The following ABCB4 variants were observed in gnomAD, a reference collection of about 807,000 sequenced individuals.
ABCB4 encodes ATP binding cassette subfamily B member 4.
A neutral mutation model predicts 145.7 loss-of-function variants in ABCB4; 76 were observed. That is an observed-to-expected ratio of 0.52 (90% CI 0.43 to 0.63). The LOEUF (loss-of-function observed/expected upper bound fraction) is 0.63. Ranked by LOEUF, ABCB4 falls within the 30% of genes least tolerant of loss-of-function variation. The pLI, the probability that ABCB4 is intolerant of heterozygous loss-of-function variation, is 0.00. For missense variants in ABCB4, 1,234 were observed against 1,553.1 expected (o/e 0.79, Z 3.45); for synonymous variants, 517 against 566.8 (o/e 0.91, Z 1.25).
At chr7:87,388,151 C>A in the ABCB4 span, among the ~76,000 whole-genome samples, 1 of 152,136 alleles carries the variant, frequency 6.6e-6, no homozygotes, top group Non-Finnish European at 1.5e-5. Flanking sequence ...AAGAGCTGCT[C>A]TTCTCTCCAG....
Position 87,402,935 on chromosome 7 carries a change from G to T in ABCB4, c.3633+200C>A, listed in dbSNP as rs45437295. 0.13 allele frequency among the ~76,000 whole-genome samples: 20,095 copies of T among 152,116 alleles called. 1,876 individuals carry two copies. Among genetic ancestry groups the T allele is most frequent in the African/African-American group, 0.27 (11,071 of 41,456 alleles). On this transcript the variant is annotated intron_variant, in intron 27 of 27. Coordinates refer to ENST00000649586, the MANE Select transcript of ABCB4 (RefSeq NM_000443.4). ...AATCGCTTGAACCCTGGAGGCAGAG[G>T]TTGCAGTGAGCTGGATTGCGCCACT...
intron 27 of ABCB4, among the ~76,000 whole-genome samples, chr7:87,402,887 T>G (rs1181921371): frequency 6.6e-6 from 1 of 152,116 alleles, no homozygotes; most frequent in Non-Finnish European, 1.5e-5. Context: ...TAGTCCCAGC[T>G]ACTCAGGAGG....
At chr7:87,422,756 C>A (rs1169129638) in intron 17 of ABCB4, among the ~76,000 whole-genome samples, 2 of 152,138 alleles carry the variant, frequency 1.3e-5, no homozygotes, top group African/African-American at 2.4e-5. Context: ...TGAAACAGCA[C>A]CCCCAGCTAA....
intron 18 of ABCB4, among the ~76,000 whole-genome samples, chr7:87,420,412 G>T (rs1809334155): frequency 6.6e-6 from 1 of 152,170 alleles, no homozygotes; most frequent in South Asian, 2.1e-4. Flanking sequence ...GATCCAATCA[G>T]ATCACACTTC....
chr7:87,416,810 A>AGT (rs1451623629), intron 21 of ABCB4, among the ~76,000 whole-genome samples: 1 of 152,276 alleles, frequency 6.6e-6, no homozygotes, highest in East Asian at 1.9e-4. Flanking sequence ...ACTGGCACGT[A>AGT]GTAAGGCTCA....
At chr7:87,436,420 A>G (rs963527369) in intron 14 of ABCB4, among the ~76,000 whole-genome samples, 2 of 152,214 alleles carry the variant, frequency 1.3e-5, no homozygotes, top group African/African-American at 2.4e-5. Flanking sequence ...AATAAAATAT[A>G]TAGGCATAAC....
At chr7:87,408,637 A>G (rs1433211242) in intron 24 of ABCB4, among the ~76,000 whole-genome samples, 1 of 152,218 alleles carries the variant, frequency 6.6e-6, no homozygotes, top group Non-Finnish European at 1.5e-5. Flanking sequence ...CAGTTTCTTA[A>G]GTTCACTTTC....
the ABCB4 span, among the ~76,000 whole-genome samples, chr7:87,390,896 G>A: frequency 3.3e-4 from 50 of 152,258 alleles, no homozygotes; most frequent in African/African-American, 1.2e-3. Context: ...CATATTTTGT[G>A]GGTCAGTAAT....
intron 4 of ABCB4, 107 bp from the exon 5 acceptor site, chr7:87,454,699 T>G (rs1432968106): frequency 1.2e-6 from 1 of 836,162 alleles, no homozygotes; most frequent in East Asian, 2.7e-5. Context: ...AGCTAGAAGA[T>G]GCTATTGTTA....
At position 87,440,339 on chromosome 7, in the gene ABCB4, C is replaced by T. The variant is rs1215781056; in HGVS notation, c.1420G>A (p.Val474Met). 6.2e-7 allele frequency: 1 copy of T among 1,614,146 alleles called. No homozygotes were observed. Among genetic ancestry groups the T allele is most frequent in the Non-Finnish European group, 8.5e-7 (1 of 1,180,016 alleles). ...AACAGCACCGGCTCCTGACTCACCA[C>T]ACCAATGATTTCCCTCAGATAGTTT... ...NVNYLREIIG[V>M]VSQEPVLFST... The change falls in exon 13 of 28, where the codon GTG (valine) becomes ATG (methionine). Residue 474 changes from valine to methionine, a missense_variant. Around this residue, in one of 7 missense-constraint regions of ABCB4, gnomAD observed 467 missense variants for 632.8 expected, o/e 0.74. Transcript: ENST00000649586.
chr7:87,462,227 T>C (rs4148814), intron 4 of ABCB4, among the ~76,000 whole-genome samples: 28,335 of 152,096 alleles, frequency 0.19, 3,002 homozygotes, highest in African/African-American at 0.29. Flanking sequence ...AAGGGACGTA[T>C]TGAATCCATT....
intron 26 of ABCB4, among the ~76,000 whole-genome samples, chr7:87,403,744 G>A (rs939940056): frequency 6.6e-6 from 1 of 152,018 alleles, no homozygotes; most frequent in African/African-American, 2.4e-5. Flanking sequence ...ATAATCTTAT[G>A]GGAACCACTG....
rs1275602475 is a variant in ABCB4 at position 87,470,265 on chromosome 7, C to A, written c.135+2356G>T. ...ATGTTAGACCTAAAACCATAAAAAC[C>A]CTAGAAGAAAACCTAGGCAATACCA... is the stretch of plus-strand genomic sequence containing the variant. On this transcript the variant is annotated intron_variant, in intron 3 of 27. Transcript: ENST00000649586. Among the ~76,000 whole-genome samples the A allele has an allele frequency of 2.0e-5, 3 of 152,104 alleles. No individual in the cohort carries two copies. In the East Asian group the frequency reaches 5.8e-4, roughly 29 times the overall value.
At chr7:87,424,151 C>A (rs780391045) in intron 16 of ABCB4, 99 bp from the exon 17 acceptor site, 9 of 1,441,408 alleles carry the variant, frequency 6.2e-6, no homozygotes, top group Non-Finnish European at 8.8e-6. Flanking sequence ...AAGGGACTCG[C>A]AAACTAGGTG....
the ABCB4 span, among the ~76,000 whole-genome samples, chr7:87,366,715 T>C: frequency 1.3e-5 from 2 of 152,212 alleles, no homozygotes; most frequent in Non-Finnish European, 1.5e-5. Context: ...GGCATACACA[T>C]TCAAATCTTT....
chr7:87,394,650 A>T, the ABCB4 span, among the ~76,000 whole-genome samples: 305 of 152,192 alleles, frequency 2.0e-3, 5 homozygotes, highest in Admixed American at 0.018. Context: ...ATCTCCAATT[A>T]AAAATGCAGC....
chr7:87,427,461 G>A (rs1809918376), intron 15 of ABCB4, among the ~76,000 whole-genome samples: 1 of 152,162 alleles, frequency 6.6e-6, no homozygotes, highest in Non-Finnish European at 1.5e-5. Flanking sequence ...TGCTGGCTGT[G>A]AGATCAGTTC....
chr7:87,471,109 G>A (rs1356730332), intron 3 of ABCB4, among the ~76,000 whole-genome samples: 7 of 151,632 alleles, frequency 4.6e-5, no homozygotes, highest in African/African-American at 7.3e-5. Flanking sequence ...GCAAACTATC[G>A]CAAGGACAAA....
Position 87,452,938 on chromosome 7 carries a change from A to G in ABCB4, c.536+6T>C, listed in dbSNP as rs752227102. On this transcript the variant is annotated splice_donor_region_variant and intron_variant, in intron 6 of 27. Transcript: ENST00000649586. ...TATGAAAGTGTGACATTAACAATGT[A>G]CCTACTCTGTTAGCCGCGTATTGAG... 2.5e-6 allele frequency: 4 copies of G among 1,612,954 alleles called. No individual in the cohort carries two copies. In the East Asian group the frequency reaches 6.7e-5, roughly 27 times the overall value.
Sources: gnomAD v4.1 joint callset for allele counts (sites outside exome capture counted in the v4.1 genomes callset) on GRCh38, gnomAD v4.1.1 for gene constraint, gnomAD v4.1.1 regional missense constraint, MANE v1.5 for transcripts, NCBI Gene and HGNC (gene_info 2026-07-23, HGNC 2026-07-21) for gene names.